Variants in STYXL1 observed in about 807,000 individuals in gnomAD.
The protein encoded by STYXL1 is serine/threonine/tyrosine-interacting-like protein 1.
A neutral mutation model predicts 36.4 loss-of-function variants in STYXL1; 32 were observed. That is an observed-to-expected ratio of 0.88 (90% CI 0.66 to 1.18). STYXL1 has a LOEUF of 1.18. STYXL1 is among the 50% of genes most tolerant of loss of function. STYXL1 has a pLI of 0.00. For missense variants in STYXL1, 354 were observed against 394.1 expected (o/e 0.90, Z 0.86); for synonymous variants, 133 against 144.1 (o/e 0.92, Z 0.55).
chr7:76,046,543 C>G (rs890628428), intron 1 of STYXL1, among the ~76,000 whole-genome samples: 1 of 151,220 alleles, frequency 6.6e-6, no homozygotes, highest in Admixed American at 6.6e-5. Flanking sequence ...GATGGGGTTT[C>G]GCCACATTAG....
In STYXL1 at chr7:76,038,422, A is replaced by ATTCTTT. The variant is rs35261977; in HGVS notation, c.-4-7896_-4-7895insAAAGAA. Among the ~76,000 whole-genome samples, 17 of 132,238 alleles carry ATTCTTT rather than the reference A, an allele frequency of 1.3e-4. No homozygotes were observed. In the South Asian group the frequency reaches 1.8e-3, roughly 14 times the overall value. The allele number at this position is 132,238 out of a possible 152,430, so 86.8% of individuals were successfully genotyped here. ...GCTTTATGTTTGGGAATTGAATGAC[A>ATTCTTT]TTTTTTTTTTTTTTTTTCCTGAGAC... On this transcript the variant is annotated intron_variant, in intron 1 of 8. Coordinates refer to ENST00000359697, the MANE Select transcript of STYXL1 (RefSeq NM_001317785.2).
At chr7:76,013,686 GT>G (rs1792889117) in intron 5 of STYXL1, 55 bp downstream of exon 5, 12 of 1,611,682 alleles carry the variant, frequency 7.4e-6, no homozygotes, top group Non-Finnish European at 1.0e-5. Flanking sequence ...CCACAAGTCA[GT>G]TTCTAGGCCC....
chr7:76,017,962 C>T (rs1375081566), intron 4 of STYXL1, among the ~76,000 whole-genome samples: 2 of 149,928 alleles, frequency 1.3e-5, no homozygotes, highest in Admixed American at 6.7e-5. Context: ...GTTCAATATA[C>T]AATTCAGTGA....
At chr7:76,010,349 G>C (rs1285506058) in intron 5 of STYXL1, among the ~76,000 whole-genome samples, 4 of 152,144 alleles carry the variant, frequency 2.6e-5, no homozygotes, top group Non-Finnish European at 5.9e-5. Context: ...TTGGGAGCCA[G>C]GCATGCATAC....
At chr7:76,008,199 CAAAAAAAAAAAAAAAAA>C (rs60080805) in intron 5 of STYXL1, among the ~76,000 whole-genome samples, 2 of 33,718 alleles carry the variant, frequency 5.9e-5, no homozygotes, top group East Asian at 1.1e-3. Flanking sequence ...AACTCCATCT[CAAAAAAAAAAAAAAAAA>C]AAAAAAAAAA....
chr7:76,037,321 G>A (rs1338338742), intron 1 of STYXL1, among the ~76,000 whole-genome samples: 1 of 150,472 alleles, frequency 6.6e-6, no homozygotes, highest in African/African-American at 2.4e-5. Flanking sequence ...CAGGGGGAAG[G>A]TCTGTCACCT....
intron 1 of STYXL1, among the ~76,000 whole-genome samples, chr7:76,046,744 G>A (rs1458176367): frequency 6.7e-6 from 1 of 149,678 alleles, no homozygotes; most frequent in East Asian, 2.0e-4. Flanking sequence ...TCCACCTCCC[G>A]GGTTCAAGCG....
At chr7:75,998,867 T>C (rs1790451657) in intron 8 of STYXL1, 1 of 152,160 alleles carries the variant, frequency 6.6e-6, no homozygotes, top group African/African-American at 2.4e-5. Context: ...CCCACAGACA[T>C]TAAAAGGATA....
chr7:76,002,983 T>G (rs921638261), intron 7 of STYXL1, among the ~76,000 whole-genome samples: 1 of 152,180 alleles, frequency 6.6e-6, no homozygotes, highest in Admixed American at 6.6e-5. Context: ...CAGCCCCTGG[T>G]ACAGTGGCTC....
chr7:75,999,491 T>TTGTGTG (rs1554565568), intron 8 of STYXL1, among the ~76,000 whole-genome samples: 3 of 111,284 alleles, frequency 2.7e-5, no homozygotes, highest in South Asian at 5.6e-4. Context: ...AATTTTTTTG[T>TTGTGTG]TGTGTGTGTG....
intron 7 of STYXL1, 110 bp downstream of exon 7, chr7:76,003,648 C>T: frequency 9.9e-7 from 1 of 1,011,220 alleles, no homozygotes; most frequent in Non-Finnish European, 1.5e-6. Context: ...CCCTTTCTCT[C>T]TAGAGCATGG....
At chr7:76,038,648 G>C (rs772217653) in intron 1 of STYXL1, among the ~76,000 whole-genome samples, 20 of 151,794 alleles carry the variant, frequency 1.3e-4, no homozygotes, top group Non-Finnish European at 2.1e-4. Flanking sequence ...GGATGGTCTC[G>C]ATCTCCTGAC....
At chr7:76,002,134 C>A (rs1791025536) in intron 7 of STYXL1, among the ~76,000 whole-genome samples, 1 of 152,176 alleles carries the variant, frequency 6.6e-6, no homozygotes, top group East Asian at 1.9e-4. Context: ...TGGGGTCTCA[C>A]AATGTTGCCC....
chr7:76,018,452 A>G (rs1210306272), intron 4 of STYXL1, among the ~76,000 whole-genome samples: 1 of 151,652 alleles, frequency 6.6e-6, no homozygotes, highest in African/African-American at 2.4e-5. Context: ...GTACAATAGC[A>G]CAAACTCGGC....
chr7:75,999,794 C>A (rs777404487), intron 8 of STYXL1, among the ~76,000 whole-genome samples: 57 of 152,114 alleles, frequency 3.7e-4, no homozygotes, highest in Non-Finnish European at 7.4e-4. Context: ...GATCTGCCCG[C>A]CTCGGCCTCC....
intron 5 of STYXL1, among the ~76,000 whole-genome samples, chr7:76,007,329 G>A (rs1167821626): frequency 6.6e-6 from 1 of 152,120 alleles, no homozygotes; most frequent in African/African-American, 2.4e-5. Flanking sequence ...GGGAGGCTGA[G>A]GCAGGAGAAT....
chr7:76,043,487 G>GA (rs1457985001), intron 1 of STYXL1, among the ~76,000 whole-genome samples: 1 of 152,058 alleles, frequency 6.6e-6, no homozygotes, highest in Non-Finnish European at 1.5e-5. Flanking sequence ...CACCGAGAGG[G>GA]AAAATGGACC....
intron 5 of STYXL1, 53 bp from the exon 6 acceptor site, chr7:76,005,457 G>A (rs994417679): frequency 6.6e-7 from 1 of 1,513,244 alleles, no homozygotes; most frequent in Admixed American, 1.7e-5. Flanking sequence ...AGGGAAGAGG[G>A]ATGTCTATCT....
intron 4 of STYXL1, among the ~76,000 whole-genome samples, chr7:76,018,297 T>C (rs1222044072): frequency 6.6e-6 from 1 of 152,208 alleles, no homozygotes; most frequent in Non-Finnish European, 1.5e-5. Context: ...GGACTTTTCA[T>C]ATAAATGGAA....
Sources: gnomAD v4.1 joint callset for allele counts (sites outside exome capture counted in the v4.1 genomes callset) on GRCh38, gnomAD v4.1.1 for gene constraint, MANE v1.5 for transcripts, NCBI Gene and HGNC (gene_info 2026-07-23, HGNC 2026-07-21) for gene names.